The following LAMP3 variants were observed in gnomAD, a reference collection of about 807,000 sequenced individuals.
The protein encoded by LAMP3 is lysosome associated membrane protein 3.
A neutral mutation model predicts 34.8 loss-of-function variants in LAMP3; 26 were observed. The ratio of observed to expected loss-of-function variants is 0.75; its 90% CI spans 0.55 to 1.04. The LOEUF is 1.04. LAMP3 is among the 50% of genes least tolerant of loss of function. LAMP3 has a pLI of 0.00. For synonymous variants in LAMP3, 180 were observed against 201.9 expected, an observed-to-expected ratio of 0.89 and a Z score of 0.92; for missense variants, 495 against 524.0, an observed-to-expected ratio of 0.94 and a Z score of 0.54.
At position 183,154,039 on chromosome 3, in the gene LAMP3, C is replaced by T; in HGVS notation, c.402G>A (p.Leu134=). Residue 134 remains leucine, a synonymous_variant, in exon 2 of 6, where the codon CTG becomes CTA. Transcript: ENST00000265598. ...TVGPSLAPYS[L]PPTITPPAHT... ...GAGCTGGTGGGGTGATGGTGGGTGG[C>T]AGTGAATAAGGGGCTAAGCTAGGGC... The T allele has an allele frequency of 1.2e-6, 2 of 1,613,968 alleles. No individual in the cohort carries two copies. The highest frequency in any genetic ancestry group is 2.2e-5 in the East Asian group (1 of 44,890).
At position 183,135,690 on chromosome 3, in the gene LAMP3, T is replaced by C. The variant is rs371959132; in HGVS notation, c.1117+27A>G. On this transcript the variant is annotated intron_variant, in intron 5 of 5. Coordinates refer to ENST00000265598, the MANE Select transcript of LAMP3 (RefSeq NM_014398.4). ...ACCCTGGGGTCTCTAAAGTGTATGT[T>C]TGCAACCTGATCGACCCTTAACTTA... The C allele has an allele frequency of 5.0e-6, 8 of 1,610,384 alleles. No homozygotes were observed. The African/African-American group carries it at 5.3e-5, about 11-fold the overall frequency.
chr3:183,149,559 AAAAAAAAAAAAAAAAATATATATAT>A (rs1230494349), intron 3 of LAMP3, among the ~76,000 whole-genome samples: 15 of 27,202 alleles, frequency 5.5e-4, no homozygotes, highest in South Asian at 2.7e-3. Context: ...AAAAAAAAAA[AAAAAAAAAAAAAAAAATATATATAT>A]ATATATATAT....
chr3:183,142,346 G>C (rs1490204399), intron 3 of LAMP3, among the ~76,000 whole-genome samples: 1 of 152,092 alleles, frequency 6.6e-6, no homozygotes, highest in Admixed American at 6.6e-5. Flanking sequence ...TTGAGGAGCA[G>C]CAGAATAGTG....
chr3:183,122,636 C>T lies in LAMP3; in HGVS notation c.*1445G>A, dbSNP rs1240783035. The T allele has an allele frequency of 6.6e-6, 1 of 152,180 alleles. No homozygotes were observed. Among genetic ancestry groups the T allele is most frequent in the South Asian group, 2.1e-4 (1 of 4,830 alleles). The allele number at this position is 152,180 out of a possible 1,614,324, so 9.4% of individuals were successfully genotyped here. On this transcript the variant is annotated 3_prime_UTR_variant, in exon 6 of 6. Coordinates refer to ENST00000265598, the MANE Select transcript of LAMP3 (RefSeq NM_014398.4). ...TTATTTGATGCCTTCATCTTTACAGCCCAGCTAAGCAATCCCATAAAAATG... is the reference window on the plus strand; with the variant it reads ...TTATTTGATGCCTTCATCTTTACAGTCCAGCTAAGCAATCCCATAAAAATG...
intron 5 of LAMP3, chr3:183,132,137 T>A: frequency 8.1e-6 from 8 of 985,324 alleles, no homozygotes; most frequent in Non-Finnish European, 9.6e-6. Context: ...AGACAACACA[T>A]GAAATTGAAG....
rs141665019 is a variant in LAMP3, at chr3:183,140,551, G to A, written c.933C>T (p.Thr311=). Residue 311 remains threonine (T), a synonymous_variant, in exon 4 of 6, where the codon ACC becomes ACT. Coordinates refer to ENST00000265598, the MANE Select transcript of LAMP3 (RefSeq NM_014398.4). ...YYISEVGAYL[T]VSDPETIYQG... is the part of the protein sequence containing the mutation. ...GTAATTACTAACCTGGATCTGAGAC[G>A]GTCAAATAGGCTCCCACTTCACTGA... is the stretch of plus-strand genomic sequence containing the variant. 63 of 1,600,996 alleles carry A rather than the reference G, an allele frequency of 3.9e-5. No individual in the cohort carries two copies. Among genetic ancestry groups the A allele is most frequent in the African/African-American group, 1.5e-4 (11 of 74,482 alleles).
chr3:183,139,484 T>G (rs1720208117), intron 4 of LAMP3, among the ~76,000 whole-genome samples: 1 of 151,998 alleles, frequency 6.6e-6, no homozygotes. Context: ...AGTGTACCAG[T>G]GTATGCCTGA....
At chr3:183,159,525 A>G (rs1477349414) in intron 1 of LAMP3, among the ~76,000 whole-genome samples, 2 of 152,204 alleles carry the variant, frequency 1.3e-5, no homozygotes, top group African/African-American at 4.8e-5. Context: ...GGCCATGTCC[A>G]GGTTCAGGGA....
intron 1 of LAMP3, 98 bp downstream of exon 1, chr3:183,162,509 C>T (rs932637629): frequency 3.2e-6 from 4 of 1,251,636 alleles, no homozygotes; most frequent in Non-Finnish European, 4.5e-6. Context: ...CCTCCCTACC[C>T]GCAGCCCGTC....
In LAMP3 at chr3:183,140,560, G is replaced by T; in HGVS notation, c.924C>A (p.Ala308=). 2 of 1,605,570 alleles carry T rather than the reference G, an allele frequency of 1.2e-6. No homozygotes were observed. Among genetic ancestry groups the T allele is most frequent in the Non-Finnish European group, 1.7e-6 (2 of 1,172,474 alleles). ...AACCTGGATCTGAGACGGTCAAATAGGCTCCCACTTCACTGATATAATATG... is the reference window on the plus strand; with the variant it reads ...AACCTGGATCTGAGACGGTCAAATATGCTCCCACTTCACTGATATAATATG... ...EESYYISEVG[A]YLTVSDPETI... is the part of the protein sequence containing the mutation. Residue 308 remains alanine, a synonymous_variant, in exon 4 of 6, where the codon GCC becomes GCA. Coordinates refer to ENST00000265598, the MANE Select transcript of LAMP3 (RefSeq NM_014398.4).
intron 2 of LAMP3, among the ~76,000 whole-genome samples, chr3:183,153,084 A>G (rs1311199992): frequency 6.6e-6 from 1 of 150,578 alleles, no homozygotes; most frequent in Non-Finnish European, 1.5e-5. Context: ...CTGAGGCAGG[A>G]GAATCGCTTG....
At chr3:183,136,377 C>T (rs1720089083) in intron 4 of LAMP3, among the ~76,000 whole-genome samples, 1 of 152,122 alleles carries the variant, frequency 6.6e-6, no homozygotes, top group Non-Finnish European at 1.5e-5. Flanking sequence ...AGGGGCCAGG[C>T]GCGGTGGCTC....
intron 1 of LAMP3, chr3:183,160,799 T>C (rs1720953555): frequency 6.6e-6 from 1 of 152,278 alleles, no homozygotes; most frequent in Admixed American, 6.5e-5. Flanking sequence ...GCAAGTTATT[T>C]AACCTCTTTG....
intron 5 of LAMP3, chr3:183,132,675 C>A (rs1719961299): frequency 1.0e-6 from 1 of 985,326 alleles, no homozygotes; most frequent in African/African-American, 1.7e-5. Flanking sequence ...CTGCGGTAGC[C>A]CTTTGGTGGA....
At chr3:183,130,044 C>T (rs1407321515) in intron 5 of LAMP3, among the ~76,000 whole-genome samples, 1 of 152,094 alleles carries the variant, frequency 6.6e-6, no homozygotes, top group Non-Finnish European at 1.5e-5. Flanking sequence ...AGACCTTGAC[C>T]TTGAATTTCT....
intron 1 of LAMP3, among the ~76,000 whole-genome samples, chr3:183,159,319 T>G (rs542641051): frequency 2.6e-5 from 4 of 152,148 alleles, no homozygotes; most frequent in African/African-American, 7.2e-5. Flanking sequence ...AGAGAATGTG[T>G]AAGGGCGCAG....
At chr3:183,137,846 G>A (rs1221520629) in intron 4 of LAMP3, among the ~76,000 whole-genome samples, 3 of 148,032 alleles carry the variant, frequency 2.0e-5, no homozygotes, top group African/African-American at 5.0e-5. Context: ...TTGAGACAGA[G>A]TCTCACTCTG....
At chr3:183,126,667 A>G (rs1719788452) in intron 5 of LAMP3, among the ~76,000 whole-genome samples, 1 of 152,206 alleles carries the variant, frequency 6.6e-6, no homozygotes. Context: ...ATAGAGAAAA[A>G]GCACAAACAA....
intron 1 of LAMP3, among the ~76,000 whole-genome samples, chr3:183,161,569 T>G (rs1720975059): frequency 6.6e-6 from 1 of 151,966 alleles, no homozygotes. Context: ...TTCTGTATTT[T>G]TAGTAGAGGC....
Sources: gnomAD v4.1 joint callset for allele counts (sites outside exome capture counted in the v4.1 genomes callset) on GRCh38, gnomAD v4.1.1 for gene constraint, MANE v1.5 for transcripts, NCBI Gene and HGNC (gene_info 2026-07-23, HGNC 2026-07-21) for gene names.